Variants in RAD51B observed in about 807,000 individuals in gnomAD.
The protein encoded by RAD51B is RAD51 paralog B.
RAD51B carries 38 observed loss-of-function variants against 42.2 expected under a neutral mutation model. The observed-to-expected ratio is 0.90, with a 90% CI of 0.70 to 1.18. The LOEUF is 1.18. RAD51B is among the 50% of genes most tolerant of loss of function. RAD51B has a pLI of 0.00. For missense variants in RAD51B, 373 were observed against 400.7 expected, an observed-to-expected ratio of 0.93 and a Z score of 0.59; for synonymous variants, 154 against 145.2, an observed-to-expected ratio of 1.06 and a Z score of -0.43.
At chr14:67,898,002 A>C (rs1177748028) in intron 7 of RAD51B, among the ~76,000 whole-genome samples, 2 of 152,156 alleles carry the variant, frequency 1.3e-5, no homozygotes, top group African/African-American at 4.8e-5. Flanking sequence ...CCTGCTATGG[A>C]AAACAGTTTG....
intron 8 of RAD51B, among the ~76,000 whole-genome samples, chr14:68,315,207 A>G (rs2082031423): frequency 6.6e-6 from 1 of 152,222 alleles, no homozygotes; most frequent in African/African-American, 2.4e-5. Context: ...TTTGAAGTAA[A>G]TGGCCATTTT....
chr14:68,036,091 T>C (rs1359464705), intron 7 of RAD51B, among the ~76,000 whole-genome samples: 1 of 152,220 alleles, frequency 6.6e-6, no homozygotes, highest in African/African-American at 2.4e-5. Flanking sequence ...CTTCCAGAAA[T>C]CGCTAAAATC....
At chr14:68,300,267 C>T (rs1008276179) in intron 8 of RAD51B, among the ~76,000 whole-genome samples, 1 of 152,146 alleles carries the variant, frequency 6.6e-6, no homozygotes, top group Non-Finnish European at 1.5e-5. Context: ...CAGGGTCTCA[C>T]TCCATTGCCC....
chr14:68,082,381 C>T (rs950605752), intron 7 of RAD51B, among the ~76,000 whole-genome samples: 1 of 152,092 alleles, frequency 6.6e-6, no homozygotes, highest in Non-Finnish European at 1.5e-5. Flanking sequence ...CTCCCAATTC[C>T]GCAAGCCATC....
intron 7 of RAD51B, among the ~76,000 whole-genome samples, chr14:68,274,553 A>G (rs1229885549): frequency 1.3e-5 from 2 of 152,224 alleles, no homozygotes; most frequent in Non-Finnish European, 2.9e-5. Context: ...TGATTAGTTT[A>G]AATAAGGACC....
At chr14:68,401,013 G>A (rs1268349081) in intron 8 of RAD51B, among the ~76,000 whole-genome samples, 1 of 152,068 alleles carries the variant, frequency 6.6e-6, no homozygotes. Flanking sequence ...GGAGGAGATT[G>A]CTTCTTTTTA....
At chr14:68,232,318 C>A (rs538569530) in intron 7 of RAD51B, among the ~76,000 whole-genome samples, 1 of 151,716 alleles carries the variant, frequency 6.6e-6, no homozygotes, top group Non-Finnish European at 1.5e-5. Context: ...AAACCTTAAG[C>A]AGGAAAAGTG....
At chr14:68,315,739 G>T (rs972250332) in intron 8 of RAD51B, among the ~76,000 whole-genome samples, 2 of 152,128 alleles carry the variant, frequency 1.3e-5, no homozygotes, top group Non-Finnish European at 2.9e-5. Context: ...AGCCAGGATA[G>T]TCTCCATCTC....
intron 8 of RAD51B, among the ~76,000 whole-genome samples, chr14:68,305,299 A>G (rs747890488): frequency 6.6e-6 from 1 of 152,212 alleles, no homozygotes; most frequent in Non-Finnish European, 1.5e-5. Flanking sequence ...ATAATGTGAA[A>G]TGCTTGCTGA....
intron 8 of RAD51B, among the ~76,000 whole-genome samples, chr14:68,368,630 A>T (rs1004210490): frequency 2.6e-5 from 4 of 152,174 alleles, no homozygotes; most frequent in African/African-American, 9.7e-5. Context: ...CATATGCTCT[A>T]TGATGGGGCA....
At chr14:67,876,445 G>A (rs1329368613) in intron 5 of RAD51B, among the ~76,000 whole-genome samples, 1 of 152,126 alleles carries the variant, frequency 6.6e-6, no homozygotes, top group Admixed American at 6.5e-5. Context: ...ATTGACATAT[G>A]CCTTTTGATT....
intron 7 of RAD51B, among the ~76,000 whole-genome samples, chr14:68,202,151 T>A (rs973996414): frequency 2.0e-5 from 3 of 152,196 alleles, no homozygotes; most frequent in Non-Finnish European, 4.4e-5. Flanking sequence ...TTAAAAATAA[T>A]TTATTGCTAA....
Position 68,536,748 on chromosome 14 carries a change from C to A in RAD51B, c.1037-57737C>A, listed in dbSNP as rs566395120. Among the ~76,000 whole-genome samples the A allele has an allele frequency of 3.3e-5, 5 of 151,990 alleles. No homozygotes were observed. In the South Asian group the frequency reaches 1.0e-3, roughly 32 times the overall value. Reference sequence around the variant, plus strand: ...CTTACTCTTTTAAATAGTCTTTTTCCCCCCTTTTGCTGCTTTTCCTATTGG... The same window carrying A: ...CTTACTCTTTTAAATAGTCTTTTTCACCCCTTTTGCTGCTTTTCCTATTGG... On this transcript the variant is annotated intron_variant, in intron 10 of 10. Coordinates refer to the RAD51B transcript ENST00000487270.
chr14:68,230,516 A>G (rs1007859228), intron 7 of RAD51B, among the ~76,000 whole-genome samples: 1 of 152,208 alleles, frequency 6.6e-6, no homozygotes, highest in African/African-American at 2.4e-5. Context: ...CTTAGATGAC[A>G]GTCCTACCAG....
chr14:68,012,747 AC>A (rs1388862775), intron 7 of RAD51B, among the ~76,000 whole-genome samples: 1 of 152,168 alleles, frequency 6.6e-6, no homozygotes, highest in Non-Finnish European at 1.5e-5. Flanking sequence ...GGTGCTTCTT[AC>A]ACATGGAGGA....
chr14:68,677,613 C>A (rs1893338603), intron 11 of RAD51B, among the ~76,000 whole-genome samples: 1 of 152,190 alleles, frequency 6.6e-6, no homozygotes, highest in South Asian at 2.1e-4. Context: ...GTCCTTTATT[C>A]TTGGGCATGG....
chr14:68,541,643 A>G (rs552661203), intron 10 of RAD51B: 29 of 985,446 alleles, frequency 2.9e-5, no homozygotes, highest in Non-Finnish European at 3.3e-5. Flanking sequence ...GCAAAGCTGT[A>G]TTGTCAGTGC....
chr14:68,558,025 G>T (rs1791910992), intron 10 of RAD51B, among the ~76,000 whole-genome samples: 1 of 152,200 alleles, frequency 6.6e-6, no homozygotes, highest in Admixed American at 6.5e-5. Flanking sequence ...CTCTGATCTG[G>T]AGGCATATTG....
At chr14:68,147,102 A>G (rs2078267374) in intron 7 of RAD51B, among the ~76,000 whole-genome samples, 1 of 152,206 alleles carries the variant, frequency 6.6e-6, no homozygotes, top group Non-Finnish European at 1.5e-5. Flanking sequence ...GTCTTATTCC[A>G]CTTGAGGCAT....
Sources: gnomAD v4.1 joint callset for allele counts (sites outside exome capture counted in the v4.1 genomes callset) on GRCh38, gnomAD v4.1.1 for gene constraint, MANE v1.5 for transcripts, NCBI Gene and HGNC (gene_info 2026-07-23, HGNC 2026-07-21) for gene names.